OSBPL5: variants seen among roughly 807,000 people sequenced by gnomAD.
OSBPL5 encodes oxysterol-binding protein-related protein 5.
Under a neutral mutation model 111.2 loss-of-function variants are expected in OSBPL5, and 71 were observed. That is an observed-to-expected ratio of 0.64 (90% confidence interval 0.53 to 0.78). OSBPL5 has a LOEUF of 0.78. OSBPL5 is among the 30% of genes least tolerant of loss of function. The pLI, the probability that OSBPL5 is intolerant of heterozygous loss-of-function variation, is 0.00. For missense variants in OSBPL5, 1,210 were observed against 1,189.3 expected (o/e 1.02, Z -0.26); for synonymous variants, 549 against 513.9 (o/e 1.07, Z -0.93).
At chr11:3,151,643 T>C (rs1846590302) in intron 1 of OSBPL5, among the ~76,000 whole-genome samples, 1 of 152,238 alleles carries the variant, frequency 6.6e-6, no homozygotes, top group Non-Finnish European at 1.5e-5. Flanking sequence ...AAAACGGTTC[T>C]TACACCCCTC....
intron 14 of OSBPL5, 45 bp from the exon 15 acceptor site, chr11:3,094,379 T>TGAGCCCCAGGCCCTGCTGAGTACC (rs2134389178): frequency 6.5e-7 from 1 of 1,526,860 alleles, no homozygotes; most frequent in East Asian, 2.3e-5. Context: ...CCAGCCCTGC[T>TGAGCCCCAGGCCCTGCTGAGTACC]GAGCCCCAGG....
At chr11:3,164,808 G>T (rs1341859523) in intron 1 of OSBPL5, among the ~76,000 whole-genome samples, 2 of 152,176 alleles carry the variant, frequency 1.3e-5, no homozygotes, top group Non-Finnish European at 2.9e-5. Flanking sequence ...GAGCTGGGGG[G>T]ACAGACCCCC....
At chr11:3,118,017 C>T (rs1227169963) in intron 7 of OSBPL5, among the ~76,000 whole-genome samples, 3 of 152,192 alleles carry the variant, frequency 2.0e-5, no homozygotes, top group African/African-American at 7.2e-5. Context: ...GACTTCACAG[C>T]CTTCTGAAAA....
At position 3,101,274 on chromosome 11, in the gene OSBPL5, C is replaced by CT. The variant is rs1554895617; in HGVS notation, c.1522+328dup. Among the ~76,000 whole-genome samples the CT allele has an allele frequency of 3.3e-5, 5 of 152,196 alleles. No individual in the cohort carries two copies. In the East Asian group the frequency reaches 9.7e-4, roughly 30 times the overall value. Reference sequence around the variant, plus strand: ...ACAGGCGTGAGCCACCATGCTTTGACTAAGTTTCATTTCATTTTAGCCAAT... The same window carrying CT: ...ACAGGCGTGAGCCACCATGCTTTGACTTAAGTTTCATTTCATTTTAGCCAAT... On this transcript the variant is annotated intron_variant, in intron 13 of 21. Transcript: ENST00000263650.
intron 1 of OSBPL5, among the ~76,000 whole-genome samples, chr11:3,135,242 A>G (rs2134496687): frequency 6.6e-6 from 1 of 152,330 alleles, no homozygotes; most frequent in East Asian, 1.9e-4. Flanking sequence ...CGCCAAGGGG[A>G]CACTGGCCCA....
In OSBPL5 at chr11:3,126,239, C is replaced by T. The variant is rs192860852; in HGVS notation, c.219+234G>A. On this transcript the variant is annotated intron_variant, in intron 3 of 21. Coordinates refer to ENST00000263650, the MANE Select transcript of OSBPL5 (RefSeq NM_020896.4). This position sits in a 1 kb window ranked among gnomAD's most constrained non-coding sequence, Gnocchi z 6.5. ...AACTGAAAACTGATAGTCAAATACA[C>T]GTGCACACATGTTCACGGAAGCATT... is the stretch of plus-strand genomic sequence containing the variant. 9.2e-5 allele frequency among the ~76,000 whole-genome samples: 14 copies of T among 152,332 alleles called. No individual in the cohort carries two copies. The highest frequency in any genetic ancestry group is 1.6e-4 in the Non-Finnish European group (11 of 68,036).
In OSBPL5 at chr11:3,096,277, T is replaced by C. The variant is rs147977047; in HGVS notation, c.1622-1943A>G. 2.1e-3 allele frequency among the ~76,000 whole-genome samples: 318 copies of C among 152,004 alleles called. 1 individual carries two copies. Among genetic ancestry groups the C allele is most frequent in the Non-Finnish European group, 3.4e-3 (230 of 67,980 alleles). On this transcript the variant is annotated intron_variant, in intron 14 of 21. Coordinates refer to ENST00000263650, the MANE Select transcript of OSBPL5 (RefSeq NM_020896.4). Reference sequence around the variant, plus strand: ...TGTAGACTCGATGACAACTAAGAGTTTGTTTGTTTGTTTTTCATCTGATGA... The same window carrying C: ...TGTAGACTCGATGACAACTAAGAGTCTGTTTGTTTGTTTTTCATCTGATGA...
intron 14 of OSBPL5, among the ~76,000 whole-genome samples, chr11:3,096,867 G>A (rs1336871152): frequency 6.7e-6 from 1 of 149,494 alleles, no homozygotes; most frequent in Non-Finnish European, 1.5e-5. Context: ...ATGAGTCAAT[G>A]AGCATGCAAG....
At chr11:3,102,349 G>T in intron 11 of OSBPL5, 68 bp from the exon 12 acceptor site, 1 of 1,456,354 alleles carries the variant, frequency 6.9e-7, no homozygotes, top group Non-Finnish European at 9.4e-7. Flanking sequence ...AGCAGGTGAG[G>T]GATGTGGACG....
At chr11:3,096,344 C>T (rs990198165) in intron 14 of OSBPL5, among the ~76,000 whole-genome samples, 6 of 152,026 alleles carry the variant, frequency 3.9e-5, no homozygotes, top group Admixed American at 6.5e-5. Context: ...CCCGGCCTGG[C>T]GTGGGGGCTC....
chr11:3,099,785 G>A (rs1021514692), intron 14 of OSBPL5, among the ~76,000 whole-genome samples: 1 of 151,940 alleles, frequency 6.6e-6, no homozygotes, highest in African/African-American at 2.4e-5. Context: ...AGTCATGGGC[G>A]AGGCTGGGCG....
intron 1 of OSBPL5, among the ~76,000 whole-genome samples, chr11:3,131,319 T>C (rs1858817225): frequency 6.6e-6 from 1 of 152,108 alleles, no homozygotes; most frequent in South Asian, 2.1e-4. Flanking sequence ...TCCCTCCATC[T>C]ATACATACAT....
In OSBPL5 at chr11:3,140,063, G is replaced by C. The variant is rs752858096; in HGVS notation, c.-21-10894C>G. 6.6e-6 allele frequency among the ~76,000 whole-genome samples: 1 copy of C among 152,246 alleles called. No individual in the cohort carries two copies. Among genetic ancestry groups the C allele is most frequent in the Admixed American group, 6.5e-5 (1 of 15,292 alleles). The stretch of plus-strand genomic sequence containing the variant: ...CACTGCTCGGCTGTGCAGCCTGGGA[G>C]GGGGGTGTGCAGTGGTCCGCCAAGC... On this transcript the variant is annotated intron_variant, in intron 1 of 21. Coordinates refer to ENST00000263650, the MANE Select transcript of OSBPL5 (RefSeq NM_020896.4). The surrounding 1 kb of genome is among the most constrained non-coding windows in gnomAD (Gnocchi z 4.5).
In OSBPL5 at chr11:3,101,610, C is replaced by T. The variant is rs145914129; in HGVS notation, c.1515G>A (p.Arg505=). The part of the protein sequence containing the change: ...CISGSITAKS[R]FYGNSLSALL... Reference sequence around the variant, plus strand: ...CCAGGGTGACCCCCTCACCATAAAACCTGGACTTGGCTGTGATGCTGCCAC... The same window carrying T: ...CCAGGGTGACCCCCTCACCATAAAATCTGGACTTGGCTGTGATGCTGCCAC... Residue 505 remains arginine, a synonymous_variant, in exon 13 of 22, where the codon AGG becomes AGA. Coordinates refer to ENST00000263650, the MANE Select transcript of OSBPL5 (RefSeq NM_020896.4). 4.3e-6 allele frequency: 7 copies of T among 1,613,638 alleles called. No individual in the cohort carries two copies. In the African/African-American group the frequency reaches 8.0e-5, roughly 18 times the overall value.
At chr11:3,145,128 C>T (rs146854574) in intron 1 of OSBPL5, among the ~76,000 whole-genome samples, 4 of 152,358 alleles carry the variant, frequency 2.6e-5, no homozygotes, top group Non-Finnish European at 4.4e-5. Flanking sequence ...CTGGCCCTCA[C>T]GCTCTCTGCG....
In OSBPL5 at chr11:3,121,227, T is replaced by A. The variant is rs1280074251; in HGVS notation, c.403-603A>T. ...CGCCCGCCACCATGCCTGGCTAATT[T>A]CTGTATTTTTAGTAGAGACGGGGTT... On this transcript the variant is annotated intron_variant, in intron 5 of 21. Transcript: ENST00000263650. This position sits in a 1 kb window ranked among gnomAD's most constrained non-coding sequence, Gnocchi z 4.3. 1.3e-5 allele frequency among the ~76,000 whole-genome samples: 2 copies of A among 151,968 alleles called. No homozygotes were observed. The highest frequency in any genetic ancestry group is 3.9e-4 in the East Asian group (2 of 5,186).
chr11:3,116,811 C>T (rs1045157241), intron 7 of OSBPL5, among the ~76,000 whole-genome samples: 10 of 142,014 alleles, frequency 7.0e-5, no homozygotes, highest in East Asian at 2.1e-4. Flanking sequence ...GCCGAGATGG[C>T]GCCACTGCAC....
At position 3,105,812 on chromosome 11, in the gene OSBPL5, A is replaced by C. The variant is rs902725496; in HGVS notation, c.1060-1435T>G. Among the ~76,000 whole-genome samples, 7 of 152,306 alleles carry C rather than the reference A, an allele frequency of 4.6e-5. No homozygotes were observed. Among genetic ancestry groups the C allele is most frequent in the Admixed American group, 1.3e-4 (2 of 15,304 alleles). On this transcript the variant is annotated intron_variant, in intron 9 of 21. Transcript: ENST00000263650. This position sits in a 1 kb window ranked among gnomAD's most constrained non-coding sequence, Gnocchi z 5.2. ...GGAGCCCCAGGCTCGCACCTGCAGC[A>C]GCCCGCTCTGCCTGGCTCACAGCAG...
In OSBPL5 at chr11:3,092,821, AGGCCCAGCCCCACCCTGT is replaced by A; in HGVS notation, c.2132+28_2132+45del. On this transcript the variant is annotated intron_variant, in intron 18 of 21. Transcript: ENST00000263650. This position sits in a 1 kb window ranked among gnomAD's most constrained non-coding sequence, Gnocchi z 5.4. ...CTGGGCCCTTCTCAGCCCGTCTGCT[AGGCCCAGCCCCACCCTGT>A]GGCCCCCAGGGCTTTGTCGGCACTC... The A allele has an allele frequency of 1.4e-6, 2 of 1,480,958 alleles. No individual in the cohort carries two copies. Among genetic ancestry groups the A allele is most frequent in the Non-Finnish European group, 1.8e-6 (2 of 1,107,344 alleles). 91.7% of individuals were successfully genotyped at this position (1,480,958 alleles called of 1,614,324 possible). A position where few individuals can be genotyped will look rare whatever the true frequency, so the allele number is the denominator to read the frequency against.
Sources: allele counts gnomAD v4.1 joint callset (sites outside exome capture counted in the v4.1 genomes callset), GRCh38; gene constraint gnomAD v4.1.1; non-coding constraint Gnocchi (gnomAD v3.1); transcripts MANE v1.5; gene names NCBI Gene and HGNC (gene_info 2026-07-23, HGNC 2026-07-21).